Variants in RNLS observed in about 807,000 individuals in gnomAD.
RNLS encodes the protein renalase, FAD dependent amine oxidase, also known as renalase.
A neutral mutation model predicts 39.8 loss-of-function variants in RNLS; 39 were observed. The ratio of observed to expected loss-of-function variants is 0.98; its 90% CI spans 0.76 to 1.28. The LOEUF (loss-of-function observed/expected upper bound fraction) is 1.28. Ranked by LOEUF, RNLS falls within the 50% of genes most tolerant of loss-of-function variation. RNLS has a pLI of 0.00. For missense variants in RNLS, 410 were observed against 413.3 expected (o/e 0.99, Z 0.07); for synonymous variants, 147 against 150.7 (o/e 0.98, Z 0.18).
chr10:88,514,791 A>C (rs1023388406), intron 4 of RNLS, among the ~76,000 whole-genome samples: 4 of 152,074 alleles, frequency 2.6e-5, no homozygotes, highest in Non-Finnish European at 5.9e-5. Flanking sequence ...TGTATAGACC[A>C]CATTTTCTTC....
chr10:88,263,806 GTCTTCTTCT>G, the RNLS span, among the ~76,000 whole-genome samples: 1 of 151,944 alleles, frequency 6.6e-6, no homozygotes. Flanking sequence ...TAATGGCAAT[GTCTTCTTCT>G]TCTTCTTCTT....
chr10:88,228,651 C>T, the RNLS span, among the ~76,000 whole-genome samples: 1 of 152,196 alleles, frequency 6.6e-6, no homozygotes, highest in Non-Finnish European at 1.5e-5. Flanking sequence ...TGGTTTTTGC[C>T]ACAATCACTC....
the RNLS span, among the ~76,000 whole-genome samples, chr10:88,257,449 A>G: frequency 6.6e-6 from 1 of 152,308 alleles, no homozygotes; most frequent in South Asian, 2.1e-4. Context: ...AGAGACCACA[A>G]AATACCCTCA....
chr10:88,573,024 G>A lies in RNLS; in HGVS notation c.405C>T (p.Ile135=), dbSNP rs1304691184. ...CTTCCCATTTGTCATCTCTTAGGTT[G>A]ATCTGTGTCACACGATGTCTGAAGT... The part of the protein sequence containing the change: ...EVYFRHRVTQ[I]NLRDDKWEVS... Residue 135 remains isoleucine, a synonymous_variant, in exon 4 of 7, where the codon ATC becomes ATT. Transcript: ENST00000331772. The A allele has an allele frequency of 6.2e-7, 1 of 1,613,882 alleles. No homozygotes were observed.
intron 3 of RNLS, among the ~76,000 whole-genome samples, chr10:88,578,212 C>T (rs1850323734): frequency 6.6e-6 from 1 of 152,110 alleles, no homozygotes; most frequent in South Asian, 2.1e-4. Flanking sequence ...CAAGAACTTC[C>T]ATTACAATAT....
At chr10:88,564,423 G>A (rs1849376060) in intron 4 of RNLS, among the ~76,000 whole-genome samples, 1 of 152,006 alleles carries the variant, frequency 6.6e-6, no homozygotes, top group South Asian at 2.1e-4. Flanking sequence ...GTGAATCCCT[G>A]AAAATCAGAG....
At chr10:88,185,535 A>G in the RNLS span, among the ~76,000 whole-genome samples, 1 of 152,038 alleles carries the variant, frequency 6.6e-6, no homozygotes, top group Admixed American at 6.6e-5. Context: ...GTACATTCCA[A>G]TCTCCTCATC....
chr10:88,429,760 C>G (rs936590551), intron 4 of RNLS, among the ~76,000 whole-genome samples: 2 of 151,772 alleles, frequency 1.3e-5, no homozygotes, highest in African/African-American at 2.4e-5. Context: ...ATGCATATAG[C>G]CTTCCAATTA....
At chr10:88,210,789 A>G in the RNLS span, among the ~76,000 whole-genome samples, 35 of 152,096 alleles carry the variant, frequency 2.3e-4, no homozygotes, top group African/African-American at 8.5e-4. Context: ...TCCTAAATCA[A>G]AGAAAAGTGG....
chr10:88,184,124 A>G, the RNLS span, among the ~76,000 whole-genome samples: 108 of 152,108 alleles, frequency 7.1e-4, no homozygotes, highest in Non-Finnish European at 1.2e-3. Context: ...TCTGGATTCA[A>G]TTTGAAATAG....
At chr10:88,237,321 C>T in the RNLS span, among the ~76,000 whole-genome samples, 1 of 147,086 alleles carries the variant, frequency 6.8e-6, no homozygotes, top group Non-Finnish European at 1.5e-5. Flanking sequence ...TCTTCCCCTT[C>T]CTTCCTTCAA....
intron 4 of RNLS, among the ~76,000 whole-genome samples, chr10:88,486,716 T>G (rs1285377778): frequency 6.6e-6 from 1 of 152,078 alleles, no homozygotes; most frequent in Non-Finnish European, 1.5e-5. Context: ...AAATAACAGA[T>G]GCTGGTGAGG....
the RNLS span, among the ~76,000 whole-genome samples, chr10:88,266,409 T>C: frequency 6.6e-6 from 1 of 152,164 alleles, no homozygotes; most frequent in African/African-American, 2.4e-5. Context: ...GCTCCTAAAA[T>C]AACTCCCCTG....
At chr10:88,549,067 A>G (rs1848484553) in intron 4 of RNLS, among the ~76,000 whole-genome samples, 1 of 152,176 alleles carries the variant, frequency 6.6e-6, no homozygotes, top group Non-Finnish European at 1.5e-5. Context: ...GAATGCCTCA[A>G]GGACTATTGG....
chr10:88,539,186 A>G (rs1241545825), intron 4 of RNLS, among the ~76,000 whole-genome samples: 1 of 152,186 alleles, frequency 6.6e-6, no homozygotes, highest in Non-Finnish European at 1.5e-5. Flanking sequence ...CTGCATAACT[A>G]GGCAAGTCTA....
In RNLS at chr10:88,375,828, C is replaced by T. The variant is rs540032638; in HGVS notation, c.527-13103G>A. 2.0e-5 allele frequency among the ~76,000 whole-genome samples: 3 copies of T among 152,150 alleles called. No homozygotes were observed. In the South Asian group the frequency reaches 6.2e-4, roughly 32 times the overall value. ...AAAACCATATTTAATAACATGTATG[C>T]ATGGGAGTCCCATAAAATATGGGAT... On this transcript the variant is annotated intron_variant, in intron 4 of 6. Coordinates refer to ENST00000331772, the MANE Select transcript of RNLS (RefSeq NM_001031709.3).
At chr10:88,462,478 G>A (rs967306850) in intron 4 of RNLS, among the ~76,000 whole-genome samples, 6 of 151,944 alleles carry the variant, frequency 3.9e-5, no homozygotes, top group Non-Finnish European at 8.8e-5. Context: ...TTTATTGGAT[G>A]TTTAATGTAT....
intron 6 of RNLS, among the ~76,000 whole-genome samples, chr10:88,313,070 G>A (rs1174390929): frequency 6.6e-6 from 1 of 152,072 alleles, no homozygotes; most frequent in African/African-American, 2.4e-5. Flanking sequence ...TCATTGCTAG[G>A]GTTTGGAGGT....
At chr10:88,462,342 C>G (rs902521319) in intron 4 of RNLS, among the ~76,000 whole-genome samples, 1 of 151,970 alleles carries the variant, frequency 6.6e-6, no homozygotes, top group African/African-American at 2.4e-5. Context: ...AAGCACTTAT[C>G]CTTTGTGTTA....
Sources: gnomAD v4.1 joint callset for allele counts (sites outside exome capture counted in the v4.1 genomes callset) on GRCh38, gnomAD v4.1.1 for gene constraint, MANE v1.5 for transcripts, NCBI Gene and HGNC (gene_info 2026-07-23, HGNC 2026-07-21) for gene names.